PAPPA: variants seen among roughly 807,000 people sequenced by gnomAD.
The protein encoded by PAPPA is pappalysin 1.
In PAPPA, 60 loss-of-function variants were observed where a neutral mutation model predicts 164.0. That is an observed-to-expected ratio of 0.37 (90% confidence interval 0.30 to 0.45). The LOEUF (loss-of-function observed/expected upper bound fraction) is 0.45. Among genes scored for constraint, PAPPA ranks in the 20% least tolerant of loss-of-function variants. The pLI, the probability that PAPPA is intolerant of heterozygous loss-of-function variation, is 1.00. For missense variants in PAPPA, 1,782 were observed against 2,087.3 expected (o/e 0.85, Z 2.85); for synonymous variants, 875 against 814.1 (o/e 1.07, Z -1.27).
At chr9:116,237,580 G>A (rs910415965) in intron 7 of PAPPA, among the ~76,000 whole-genome samples, 13 of 152,152 alleles carry the variant, frequency 8.5e-5, no homozygotes, top group Non-Finnish European at 1.5e-4. Context: ...TAGTGATTTA[G>A]CTTAGTTCTA....
At chr9:116,348,299 G>A (rs2118984041) in intron 15 of PAPPA, among the ~76,000 whole-genome samples, 1 of 151,656 alleles carries the variant, frequency 6.6e-6, no homozygotes, top group East Asian at 2.0e-4. Context: ...CAAGGACTGG[G>A]CAAAGGTCCT....
At chr9:116,298,921 G>A (rs1385288543) in intron 9 of PAPPA, among the ~76,000 whole-genome samples, 4 of 152,162 alleles carry the variant, frequency 2.6e-5, no homozygotes, top group Non-Finnish European at 4.4e-5. Context: ...AGTATTTAAG[G>A]AGCACCAAGT....
chr9:116,355,604 C>G (rs1846343525), intron 17 of PAPPA, among the ~76,000 whole-genome samples: 1 of 152,210 alleles, frequency 6.6e-6, no homozygotes, highest in Non-Finnish European at 1.5e-5. Flanking sequence ...CCCCTCACTC[C>G]CTTACATAAA....
At chr9:116,180,016 C>G (rs763176208) in intron 1 of PAPPA, among the ~76,000 whole-genome samples, 2 of 152,096 alleles carry the variant, frequency 1.3e-5, no homozygotes, top group Admixed American at 6.5e-5. Context: ...TGTCCCACAG[C>G]TAGTGGGCAT....
chr9:116,234,509 C>A (rs1469851038), intron 6 of PAPPA, among the ~76,000 whole-genome samples: 1 of 152,100 alleles, frequency 6.6e-6, no homozygotes, highest in Non-Finnish European at 1.5e-5. Context: ...TATTTATGCT[C>A]ACCTATTCTT....
chr9:116,292,791 G>A (rs187267091), intron 9 of PAPPA, among the ~76,000 whole-genome samples: 1 of 152,214 alleles, frequency 6.6e-6, no homozygotes, highest in Admixed American at 6.5e-5. Context: ...AACTGAGACA[G>A]GATGAGAAAC....
chr9:116,210,275 C>T (rs763821864), intron 3 of PAPPA, among the ~76,000 whole-genome samples: 1 of 152,186 alleles, frequency 6.6e-6, no homozygotes, highest in Admixed American at 6.5e-5. Context: ...GAAATTCAAT[C>T]TCTGAAATTA....
intron 1 of PAPPA, among the ~76,000 whole-genome samples, chr9:116,172,745 C>G (rs565484083): frequency 6.6e-6 from 1 of 152,296 alleles, no homozygotes; most frequent in Admixed American, 6.5e-5. Flanking sequence ...AGAGGAAATA[C>G]TAACCTGTCT....
intron 13 of PAPPA, among the ~76,000 whole-genome samples, chr9:116,337,393 C>A (rs73516110): frequency 0.012 from 1,835 of 152,158 alleles, 37 homozygotes; most frequent in African/African-American, 0.042. Context: ...TGCAAACATG[C>A]AAATGCATTA....
rs1318558094 is a variant in PAPPA, at chr9:116,211,916, C to T, written c.1902C>T (p.Asn634=). 4 of 1,613,900 alleles carry T rather than the reference C, an allele frequency of 2.5e-6. No individual in the cohort carries two copies. Among genetic ancestry groups the T allele is most frequent in the South Asian group, 1.1e-5 (1 of 91,072 alleles). The stretch of plus-strand genomic sequence containing the variant: ...GCTTCTTCAACACTCCTTACAACAA[C>T]TTCATGAGCTATGCAGGTAGGGCCC... The part of the protein sequence containing the change: ...FHSFFNTPYN[N]FMSYADDDCT... The change falls in exon 4 of 22, where the codon AAC becomes AAT. Residue 634 remains asparagine, a synonymous_variant. Transcript: ENST00000328252.
At chr9:116,382,338 C>A in intron 20 of PAPPA, 57 bp from the exon 21 acceptor site, 1 of 1,059,064 alleles carries the variant, frequency 9.4e-7, no homozygotes, top group South Asian at 1.3e-5. Flanking sequence ...ACGTCAGCTC[C>A]CACTCACTCC....
intron 1 of PAPPA, among the ~76,000 whole-genome samples, chr9:116,184,840 C>G (rs934542991): frequency 1.3e-5 from 2 of 152,138 alleles, no homozygotes; most frequent in Admixed American, 1.3e-4. Context: ...CCTTTCTCGT[C>G]TCCGGCTCTA....
chr9:116,318,253 C>T (rs1002990563), intron 10 of PAPPA: 4 of 152,144 alleles, frequency 2.6e-5, no homozygotes, highest in African/African-American at 9.7e-5. Flanking sequence ...GAACACAGAA[C>T]CTACCACATT....
At chr9:116,302,048 T>G (rs907620533) in intron 9 of PAPPA, among the ~76,000 whole-genome samples, 2 of 152,174 alleles carry the variant, frequency 1.3e-5, no homozygotes, top group Admixed American at 6.5e-5. Flanking sequence ...ACTTGGAAAG[T>G]GAATGCCTGA....
At chr9:116,204,161 T>A (rs1844204286) in intron 2 of PAPPA, among the ~76,000 whole-genome samples, 1 of 152,190 alleles carries the variant, frequency 6.6e-6, no homozygotes, top group Non-Finnish European at 1.5e-5. Context: ...CATGAGCTAA[T>A]TGATACTCAG....
intron 9 of PAPPA, among the ~76,000 whole-genome samples, chr9:116,280,843 T>A (rs1845257301): frequency 6.6e-6 from 1 of 152,236 alleles, no homozygotes. Context: ...AGTTGAGTCA[T>A]TCCAACAGAA....
rs755465764 is a variant in PAPPA, at chr9:116,362,585, T to C, written c.4348-7T>C. The C allele has an allele frequency of 8.7e-5, 140 of 1,612,346 alleles. No homozygotes were observed. Among genetic ancestry groups the C allele is most frequent in the Non-Finnish European group, 1.0e-4 (123 of 1,179,166 alleles). On this transcript the variant is annotated splice_region_variant and splice_polypyrimidine_tract_variant and intron_variant, in intron 17 of 21. Transcript: ENST00000328252. The stretch of plus-strand genomic sequence containing the variant: ...CTTGGTCCTAACTCTGTTTCTCTGT[T>C]GTTCAGGGACTTGGGAGCAATGTCA...
intron 6 of PAPPA, 88 bp from the exon 7 acceptor site, chr9:116,235,051 C>G: frequency 6.7e-7 from 1 of 1,494,600 alleles, no homozygotes; most frequent in Non-Finnish European, 9.2e-7. Context: ...TCTAGTCAGA[C>G]CAATTTCTCC....
chr9:116,374,390 G>A (rs567755061), intron 19 of PAPPA, among the ~76,000 whole-genome samples: 11 of 152,236 alleles, frequency 7.2e-5, no homozygotes, highest in African/African-American at 2.6e-4. Context: ...CATCTGAGGG[G>A]CCCCATCTGA....
Sources: gnomAD v4.1 joint callset for allele counts (sites outside exome capture counted in the v4.1 genomes callset) on GRCh38, gnomAD v4.1.1 for gene constraint, MANE v1.5 for transcripts, NCBI Gene and HGNC (gene_info 2026-07-23, HGNC 2026-07-21) for gene names.